The following AGMO variants were observed in gnomAD, a reference collection of about 807,000 sequenced individuals.
The protein encoded by AGMO is alkylglycerol monooxygenase, also known as glyceryl-ether monooxygenase.
Under a neutral mutation model 60.2 loss-of-function variants are expected in AGMO, and 75 were observed. That is an observed-to-expected ratio of 1.25 (90% CI 1.03 to 1.51). The LOEUF is 1.51. Ranked by LOEUF, AGMO falls within the 40% of genes most tolerant of loss-of-function variation. The pLI is 0.00. For missense variants in AGMO, 763 were observed against 525.5 expected (o/e 1.45, Z -4.42); for synonymous variants, 261 against 177.1 (o/e 1.47, Z -3.76).
At chr7:15,483,866 C>T (rs191813880) in intron 3 of AGMO, among the ~76,000 whole-genome samples, 1 of 151,800 alleles carries the variant, frequency 6.6e-6, no homozygotes, top group East Asian at 1.9e-4. Context: ...GGGACCATTC[C>T]AACAAAAAAG....
At chr7:15,142,769 T>G in the AGMO span, among the ~76,000 whole-genome samples, 1 of 152,170 alleles carries the variant, frequency 6.6e-6, no homozygotes, top group Non-Finnish European at 1.5e-5. Context: ...AATACGAGAT[T>G]GCCGACAGAA....
intron 3 of AGMO, among the ~76,000 whole-genome samples, chr7:15,442,084 G>A (rs1180828420): frequency 6.6e-6 from 1 of 152,176 alleles, no homozygotes; most frequent in African/African-American, 2.4e-5. Flanking sequence ...GAATAAGGCT[G>A]TGTGTCCCCT....
chr7:15,375,472 G>A (rs1385108384), intron 10 of AGMO, among the ~76,000 whole-genome samples: 2 of 136,500 alleles, frequency 1.5e-5, no homozygotes, highest in Non-Finnish European at 3.0e-5. Context: ...CTTGGCTTCT[G>A]CACAACCTCT....
At chr7:15,454,059 T>A (rs976174237) in intron 3 of AGMO, among the ~76,000 whole-genome samples, 13 of 149,754 alleles carry the variant, frequency 8.7e-5, no homozygotes, top group African/African-American at 2.9e-4. Flanking sequence ...TAGAGAGAAT[T>A]TTGAGAGAAC....
chr7:15,175,535 G>T, the AGMO span, among the ~76,000 whole-genome samples: 1 of 151,450 alleles, frequency 6.6e-6, no homozygotes, highest in Non-Finnish European at 1.5e-5. Context: ...TTTATTTTTG[G>T]CTCTTTTATT....
At chr7:15,270,596 ATTTTTTTTTTTTTTT>A (rs527463907) in intron 12 of AGMO, among the ~76,000 whole-genome samples, 53 of 48,058 alleles carry the variant, frequency 1.1e-3, no homozygotes, top group African/African-American at 2.5e-3. Context: ...TCTGTTGATA[ATTTTTTTTTTTTTTT>A]TTTTTTTTTT....
chr7:15,557,086 G>A (rs538620634), intron 2 of AGMO, among the ~76,000 whole-genome samples: 1 of 152,002 alleles, frequency 6.6e-6, no homozygotes, highest in East Asian at 1.9e-4. Context: ...TGGTAGGCAC[G>A]CTATTAATCT....
intron 12 of AGMO, among the ~76,000 whole-genome samples, chr7:15,352,072 A>G (rs1383107034): frequency 6.6e-6 from 1 of 152,246 alleles, no homozygotes; most frequent in South Asian, 2.1e-4. Context: ...TTAATATGAC[A>G]GAAGAAATAA....
intron 3 of AGMO, among the ~76,000 whole-genome samples, chr7:15,521,706 T>A (rs2128535956): frequency 6.6e-6 from 1 of 152,216 alleles, no homozygotes; most frequent in African/African-American, 2.4e-5. Flanking sequence ...CCCAAAGTAA[T>A]AAGAGCTATT....
chr7:15,326,302 T>C (rs1181916818), intron 12 of AGMO, among the ~76,000 whole-genome samples: 1 of 152,164 alleles, frequency 6.6e-6, no homozygotes, highest in Non-Finnish European at 1.5e-5. Context: ...TTACTGAAAA[T>C]GACATATAAT....
chr7:15,211,060 AAG>A (rs1291497671), intron 12 of AGMO, among the ~76,000 whole-genome samples: 2 of 151,448 alleles, frequency 1.3e-5, no homozygotes, highest in African/African-American at 4.9e-5. Context: ...GGTAAAACAA[AAG>A]AAAAAAAAAC....
At chr7:15,338,210 A>T (rs558971875) in intron 12 of AGMO, among the ~76,000 whole-genome samples, 69 of 152,328 alleles carry the variant, frequency 4.5e-4, no homozygotes, top group African/African-American at 1.5e-3. Context: ...TAAAATATAC[A>T]ACTCAGTGGC....
In AGMO at chr7:15,547,553, G is replaced by A. The variant is rs528854772; in HGVS notation, c.258-2630C>T. 5.5e-3 allele frequency among the ~76,000 whole-genome samples: 834 copies of A among 152,280 alleles called. 2 individuals carry two copies. The highest frequency in any genetic ancestry group is 7.8e-3 in the Admixed American group (120 of 15,304). On this transcript the variant is annotated intron_variant, in intron 2 of 12. Transcript: ENST00000342526. ...CCCTTTCCGAGTCAAAGAAAGGGGT[G>A]ACAGACGCACCTGGAAAATCGGGTC...
At position 15,223,363 on chromosome 7, in the gene AGMO, A is replaced by G. The variant is rs374388142; in HGVS notation, c.1264-22004T>C. On this transcript the variant is annotated intron_variant, in intron 12 of 12. Transcript: ENST00000342526. ...ATAAAATTGTAGCTTCAGTGATATCATTGCATTATATTGAAATGCTCCTTT... is the reference window on the plus strand; with the variant it reads ...ATAAAATTGTAGCTTCAGTGATATCGTTGCATTATATTGAAATGCTCCTTT... Among the ~76,000 whole-genome samples, 44 of 152,098 alleles carry G rather than the reference A, an allele frequency of 2.9e-4. No individual in the cohort carries two copies. The East Asian group carries it at 3.3e-3, about 11-fold the overall frequency.
At chr7:15,441,537 A>T (rs1781554258) in intron 3 of AGMO, among the ~76,000 whole-genome samples, 1 of 152,162 alleles carries the variant, frequency 6.6e-6, no homozygotes, top group South Asian at 2.1e-4. Flanking sequence ...ATTTAATGAC[A>T]TATATTTGGC....
rs139642069 is a variant in AGMO at position 15,247,459 on chromosome 7, C to CACACAGAGAGAGAGAGAGAG, written c.1264-46101_1264-46100insCTCTCTCTCTCTCTCTGTGT. On this transcript the variant is annotated intron_variant, in intron 12 of 12. Coordinates refer to ENST00000342526, the MANE Select transcript of AGMO (RefSeq NM_001004320.2). ...ACACACACACACACACACACACACA[C>CACACAGAGAGAGAGAGAGAG]AGAGAGAGAGAGAGAGAGAGGGAGA... Among the ~76,000 whole-genome samples, 50 of 115,256 alleles carry CACACAGAGAGAGAGAGAGAG rather than the reference C, an allele frequency of 4.3e-4. 1 individual carries two copies. The highest frequency in any genetic ancestry group is 1.7e-3 in the African/African-American group (48 of 28,268). 75.6% of individuals were successfully genotyped at this position (115,256 alleles called of 152,430 possible).
chr7:15,390,523 C>G (rs1784093600), intron 8 of AGMO, 148 bp downstream of exon 8: 2 of 509,130 alleles, frequency 3.9e-6, no homozygotes, highest in Non-Finnish European at 6.9e-6. Flanking sequence ...GCTTGTGTAA[C>G]AAAGAGTTAT....
the AGMO span, among the ~76,000 whole-genome samples, chr7:15,186,082 C>T: frequency 2.0e-5 from 3 of 152,180 alleles, no homozygotes; most frequent in African/African-American, 4.8e-5. Flanking sequence ...ATTCTTGTCA[C>T]TCTCAATACC....
chr7:15,511,835 G>C (rs1034991762), intron 3 of AGMO, among the ~76,000 whole-genome samples: 4 of 152,038 alleles, frequency 2.6e-5, no homozygotes, highest in Non-Finnish European at 4.4e-5. Flanking sequence ...TTTGGACACA[G>C]ACATCCACAT....
Sources: allele counts gnomAD v4.1 joint callset (sites outside exome capture counted in the v4.1 genomes callset), GRCh38; gene constraint gnomAD v4.1.1; transcripts MANE v1.5; gene names NCBI Gene and HGNC (gene_info 2026-07-23, HGNC 2026-07-21).